PC: variants seen among roughly 807,000 people sequenced by gnomAD.
The protein encoded by PC is pyruvate carboxylase, mitochondrial.
PC carries 46 observed loss-of-function variants against 107.8 expected under a neutral mutation model. The observed-to-expected ratio is 0.43, with a 90% CI of 0.34 to 0.55. PC has a LOEUF of 0.55. Ranked by LOEUF, PC falls within the 20% of genes least tolerant of loss-of-function variation. The pLI is 0.04. For missense variants in PC, 1,241 were observed against 1,643.1 expected (o/e 0.76, Z 4.23); for synonymous variants, 662 against 684.7 (o/e 0.97, Z 0.52).
intron 3 of PC, among the ~76,000 whole-genome samples, chr11:66,923,908 A>G (rs1948652793): frequency 6.6e-6 from 1 of 151,734 alleles, no homozygotes; most frequent in South Asian, 2.1e-4. Context: ...AAAAAGAGAA[A>G]AAGAAAAAAA....
chr11:66,933,016 C>A (rs1049647304), intron 3 of PC, among the ~76,000 whole-genome samples: 1 of 152,164 alleles, frequency 6.6e-6, no homozygotes, highest in African/African-American at 2.4e-5. Context: ...AAAAATCCAA[C>A]GGAAAACCTC....
At chr11:66,859,919 C>G in intron 12 of PC, 2 of 1,583,822 alleles carry the variant, frequency 1.3e-6, no homozygotes, top group Non-Finnish European at 1.7e-6. Flanking sequence ...GCCGGGGGGC[C>G]GGAAATGGCC....
chr11:66,857,505 G>A lies in PC; in HGVS notation c.1369-4122C>T. 2 of 499,466 alleles carry A rather than the reference G, an allele frequency of 4.0e-6. No individual in the cohort carries two copies. The highest frequency in any genetic ancestry group is 7.0e-6 in the Non-Finnish European group (2 of 284,040). The allele number at this position is 499,466 out of a possible 1,614,324, so 30.9% of individuals were successfully genotyped here. On this transcript the variant is annotated intron_variant, in intron 12 of 22. Coordinates refer to ENST00000393960, the MANE Select transcript of PC (RefSeq NM_001040716.2). This position sits in a 1 kb window ranked among gnomAD's most constrained non-coding sequence, Gnocchi z 7.1. ...CGCTTCCTGCCTCATGCCTCACCTT[G>A]TCCCCAGCGCCTGGACTCCCCCTTA...
At chr11:66,888,363 G>A (rs1226274929) in intron 3 of PC, among the ~76,000 whole-genome samples, 2 of 152,228 alleles carry the variant, frequency 1.3e-5, no homozygotes, top group South Asian at 2.1e-4. Context: ...TTTGAGACAC[G>A]CCAGGCCTTG....
At position 66,858,012 on chromosome 11, in the gene PC, C is replaced by G. The variant is rs1047561616; in HGVS notation, c.1369-4629G>C. ...CAATGCCATCACCCGCATTGGGGCC[C>G]GCGCCTTTGGGGACCTCGAGAGCCT... On this transcript the variant is annotated intron_variant, in intron 12 of 22. Coordinates refer to ENST00000393960, the MANE Select transcript of PC (RefSeq NM_001040716.2). The surrounding 1 kb of genome is among the most constrained non-coding windows in gnomAD (Gnocchi z 5.9). 6.2e-7 allele frequency: 1 copy of G among 1,612,286 alleles called. No individual in the cohort carries two copies. Among genetic ancestry groups the G allele is most frequent in the Non-Finnish European group, 8.5e-7 (1 of 1,179,946 alleles).
chr11:66,866,321 C>A lies in PC; in HGVS notation c.1051G>T (p.Val351Leu), dbSNP rs770888084. The A allele has an allele frequency of 6.2e-7, 1 of 1,609,554 alleles. No individual in the cohort carries two copies. Among genetic ancestry groups the A allele is most frequent in the Admixed American group, 1.7e-5 (1 of 59,544 alleles). ...DVDLVHAQIH[V>L]AEGRSLPDLG... ...TCGGGTAGGCTCCTGCCCTCAGCCACGTGGATCTGAGCATGGACCAGGTCT... is the reference window on the plus strand; with the variant it reads ...TCGGGTAGGCTCCTGCCCTCAGCCAAGTGGATCTGAGCATGGACCAGGTCT... The change falls in exon 11 of 23, where the codon GTG (valine) becomes TTG (leucine). Residue 351 changes from valine to leucine, a missense_variant. Val to Leu is a conservative substitution (Grantham distance 32). This residue lies in a region of PC where 1,143 missense variants were observed against 1,551.9 expected (regional missense o/e 0.74). Transcript: ENST00000393960. The surrounding 1 kb of genome is among the most constrained non-coding windows in gnomAD (Gnocchi z 5.4).
Position 66,882,346 on chromosome 11 carries a change from C to G in PC, c.1-10187G>C, listed in dbSNP as rs1947215273. On this transcript the variant is annotated intron_variant, in intron 3 of 22. Coordinates refer to ENST00000393960, the MANE Select transcript of PC (RefSeq NM_001040716.2). The stretch of plus-strand genomic sequence containing the variant: ...CCCACATCGCTTCGTCCTACATATT[C>G]CTGTCCTCACAGAGCGTCTCCTGCA... Among the ~76,000 whole-genome samples the G allele has an allele frequency of 2.0e-5, 3 of 152,204 alleles. No homozygotes were observed. In the South Asian group the frequency reaches 6.2e-4, roughly 31 times the overall value.
chr11:66,875,339 A>ATGGG (rs1946933864), intron 3 of PC, among the ~76,000 whole-genome samples: 1 of 152,138 alleles, frequency 6.6e-6, no homozygotes. Context: ...GAAATCCTGT[A>ATGGG]TGGGTGGGTG....
Position 66,862,848 on chromosome 11 carries a change from G to A in PC, c.1368+926C>T, listed in dbSNP as rs1443153690. ...CCGAGCTGCCAGCCCACCAAGGGCA[G>A]GTTGCCTCCCAAGCCTCCTGCTCAT... is the stretch of plus-strand genomic sequence containing the variant. On this transcript the variant is annotated intron_variant, in intron 12 of 22. Transcript: ENST00000393960. 2.0e-5 allele frequency among the ~76,000 whole-genome samples: 3 copies of A among 152,348 alleles called. No individual in the cohort carries two copies. In the East Asian group the frequency reaches 5.8e-4, roughly 29 times the overall value.
In PC at chr11:66,858,652, G is replaced by C; in HGVS notation, c.1368+5122C>G. 1 of 1,541,372 alleles carries C rather than the reference G, an allele frequency of 6.5e-7. No individual in the cohort carries two copies. The highest frequency in any genetic ancestry group is 8.7e-7 in the Non-Finnish European group (1 of 1,143,968). Reference sequence around the variant, plus strand: ...GGCCAGCGGGCCACGCTGCGGTGCCGGGCCCTGGGTGACCCCGCGCCTACC... The same window carrying C: ...GGCCAGCGGGCCACGCTGCGGTGCCCGGCCCTGGGTGACCCCGCGCCTACC... On this transcript the variant is annotated intron_variant, in intron 12 of 22. Coordinates refer to ENST00000393960, the MANE Select transcript of PC (RefSeq NM_001040716.2). This position sits in a 1 kb window ranked among gnomAD's most constrained non-coding sequence, Gnocchi z 5.9.
chr11:66,900,628 T>A (rs1025808232), intron 3 of PC, among the ~76,000 whole-genome samples: 6 of 152,232 alleles, frequency 3.9e-5, no homozygotes, highest in Non-Finnish European at 7.3e-5. Flanking sequence ...AAGTCTCTGA[T>A]CCATGATCAT....
intron 1 of PC, among the ~76,000 whole-genome samples, chr11:66,956,910 T>A (rs1464232581): frequency 6.6e-6 from 1 of 152,124 alleles, no homozygotes; most frequent in Non-Finnish European, 1.5e-5. Context: ...ATTTTCTCTC[T>A]CCCCCAATGG....
At chr11:66,878,391 T>C (rs1241114279) in intron 3 of PC, among the ~76,000 whole-genome samples, 2 of 152,180 alleles carry the variant, frequency 1.3e-5, no homozygotes, top group African/African-American at 4.8e-5. Context: ...GCCTTTTCCA[T>C]GCAAAGAAAG....
chr11:66,886,578 G>A (rs959618127), intron 3 of PC, among the ~76,000 whole-genome samples: 24 of 152,266 alleles, frequency 1.6e-4, no homozygotes, highest in African/African-American at 5.8e-4. Context: ...CCACGGTGGT[G>A]GGAATAGGAA....
In PC at chr11:66,870,207, A is replaced by C; in HGVS notation, c.903+95T>G. ...CCCCATCCCCAGTCCCCAGAAGGGG[A>C]CTCAGGGTCCCCTTCCCCAACCAGC... On this transcript the variant is annotated intron_variant, in intron 9 of 22. Coordinates refer to ENST00000393960, the MANE Select transcript of PC (RefSeq NM_001040716.2). This position sits in a 1 kb window ranked among gnomAD's most constrained non-coding sequence, Gnocchi z 6.1. The C allele has an allele frequency of 6.8e-7, 1 of 1,469,150 alleles. No individual in the cohort carries two copies. Among genetic ancestry groups the C allele is most frequent in the Non-Finnish European group, 9.4e-7 (1 of 1,063,610 alleles). 91.0% of individuals were successfully genotyped at this position (1,469,150 alleles called of 1,614,324 possible).
At chr11:66,889,980 T>C (rs2136007464) in intron 3 of PC, among the ~76,000 whole-genome samples, 1 of 152,360 alleles carries the variant, frequency 6.6e-6, no homozygotes, top group African/African-American at 2.4e-5. Flanking sequence ...ACTTCACGAA[T>C]GACTGCACAA....
intron 1 of PC, among the ~76,000 whole-genome samples, chr11:66,955,805 T>C (rs920753712): frequency 1.3e-5 from 2 of 150,350 alleles, no homozygotes. Flanking sequence ...GGGAGTTTCA[T>C]GCTGTCGCCC....
At chr11:66,859,004 G>A (rs1946070431) in intron 12 of PC, 3 of 1,525,446 alleles carry the variant, frequency 2.0e-6, no homozygotes, top group South Asian at 2.6e-5. Flanking sequence ...CCTCAGGGCT[G>A]GTGAGCTGGG....
chr11:66,876,984 C>CAGTG (rs1244143059), intron 3 of PC, among the ~76,000 whole-genome samples: 1 of 152,204 alleles, frequency 6.6e-6, no homozygotes, highest in Non-Finnish European at 1.5e-5. Flanking sequence ...TTTGTAAATG[C>CAGTG]AGTGCTGAGC....
Sources: gnomAD v4.1 joint callset for allele counts (sites outside exome capture counted in the v4.1 genomes callset) on GRCh38, gnomAD v4.1.1 for gene constraint, gnomAD v4.1.1 regional missense constraint, Gnocchi (gnomAD v3.1) non-coding constraint, MANE v1.5 for transcripts, NCBI Gene and HGNC (gene_info 2026-07-23, HGNC 2026-07-21) for gene names.